KIF11: variants seen among roughly 807,000 people sequenced by gnomAD.
KIF11 encodes kinesin family member 11, also known as kinesin-like protein KIF11.
KIF11 carries 9 observed loss-of-function variants against 121.0 expected under a neutral mutation model. The observed-to-expected ratio is 0.07, with a 90% CI of 0.04 to 0.13. The LOEUF (loss-of-function observed/expected upper bound fraction) is 0.13. Ranked by LOEUF, KIF11 falls within the 10% of genes least tolerant of loss-of-function variation. KIF11 has a pLI of 1.00. For synonymous variants in KIF11, 408 were observed against 421.0 expected, an observed-to-expected ratio of 0.97 and a Z score of 0.38; for missense variants, 846 against 1,217.5, an observed-to-expected ratio of 0.69 and a Z score of 4.54.
intron 9 of KIF11, among the ~76,000 whole-genome samples, chr10:92,618,529 C>G (rs1844583759): frequency 6.6e-6 from 1 of 150,818 alleles, no homozygotes; most frequent in Non-Finnish European, 1.5e-5. Flanking sequence ...GCCTGTAATC[C>G]CAGTTACTCA....
At chr10:92,595,857 A>G (rs1229114691) in intron 1 of KIF11, among the ~76,000 whole-genome samples, 1 of 152,168 alleles carries the variant, frequency 6.6e-6, no homozygotes, top group Non-Finnish European at 1.5e-5. Flanking sequence ...CATTCCACTT[A>G]GGCATAATGT....
rs1174525263 is a variant in KIF11, at chr10:92,632,585, G to T, written c.1594G>T (p.Asp532Tyr). The change falls in exon 13 of 22, where the codon GAT becomes TAT. Residue 532 changes from aspartate to tyrosine, a missense_variant. Asp to Tyr is a radical substitution (Grantham distance 160, BLOSUM62 -3). This residue lies in a region of KIF11 where 492 missense variants were observed against 603.4 expected (regional missense o/e 0.82). Coordinates refer to ENST00000260731, the MANE Select transcript of KIF11 (RefSeq NM_004523.4). ...AVDQHNAEAQ[D>Y]IFGKNLNSLF... ...TGACCAACACAATGCAGAAGCTCAG[G>T]ATATTTTTGGCAAAAACCTGAATAG... is the stretch of plus-strand genomic sequence containing the variant. 2 of 1,613,466 alleles carry T rather than the reference G, an allele frequency of 1.2e-6. No individual in the cohort carries two copies. Among genetic ancestry groups the T allele is most frequent in the African/African-American group, 2.7e-5 (2 of 74,906 alleles).
intron 1 of KIF11, among the ~76,000 whole-genome samples, chr10:92,602,507 G>A (rs1358909860): frequency 6.6e-6 from 1 of 151,936 alleles, no homozygotes; most frequent in Non-Finnish European, 1.5e-5. Flanking sequence ...TGTGTTTCTA[G>A]GAATTTGTTC....
intron 21 of KIF11, among the ~76,000 whole-genome samples, chr10:92,651,518 T>A (rs1487676348): frequency 0.039 from 2,506 of 65,068 alleles, 179 homozygotes; most frequent in African/African-American, 0.08. Context: ...TTTTTTTTTT[T>A]TTTTTTTTTT....
In KIF11 at chr10:92,632,628, A is replaced by G. The variant is rs766266061; in HGVS notation, c.1637A>G (p.Glu546Gly). The change falls in exon 13 of 22, where the codon GAA (glutamate) becomes GGA (glycine). Residue 546 changes from glutamate to glycine, a missense_variant. Glu to Gly is a moderately conservative substitution (Grantham distance 98). This residue lies in a region of KIF11 where 492 missense variants were observed against 603.4 expected (regional missense o/e 0.82). Transcript: ENST00000260731. ...KNLNSLFNNM[E>G]ELIKDGSSKQ... ...CTGAATAGTCTGTTTAATAATATGG[A>G]AGAATTAATTAAGGATGGCAGCTCA... 2.5e-6 allele frequency: 4 copies of G among 1,613,328 alleles called. No homozygotes were observed. In the South Asian group the frequency reaches 4.4e-5, roughly 18 times the overall value.
At chr10:92,648,908 G>T (rs890645708) in intron 19 of KIF11, among the ~76,000 whole-genome samples, 7 of 152,134 alleles carry the variant, frequency 4.6e-5, no homozygotes, top group Non-Finnish European at 1.0e-4. Context: ...TCAACATTTT[G>T]AGAGATCACA....
chr10:92,652,655 C>T (rs1333083741), intron 21 of KIF11, among the ~76,000 whole-genome samples: 1 of 152,158 alleles, frequency 6.6e-6, no homozygotes, highest in Non-Finnish European at 1.5e-5. Flanking sequence ...TCATCCTTTT[C>T]TTCTATCTTA....
intron 10 of KIF11, 148 bp downstream of exon 10, chr10:92,621,621 A>G: frequency 2.0e-6 from 1 of 501,918 alleles, no homozygotes. Flanking sequence ...TTTTCTTTTG[A>G]GACAAGGTCT....
rs561035448 is a variant in KIF11, at chr10:92,604,456, G to A, written c.78-1809G>A. On this transcript the variant is annotated intron_variant, in intron 1 of 21. Coordinates refer to ENST00000260731, the MANE Select transcript of KIF11 (RefSeq NM_004523.4). ...CTCTTGGCCTACCTCAGTATAAGTT[G>A]GTTCTACCTTAGTTTTGTTGAAGTT... Among the ~76,000 whole-genome samples the A allele has an allele frequency of 3.3e-5, 5 of 152,226 alleles. No homozygotes were observed. In the South Asian group the frequency reaches 1.0e-3, roughly 32 times the overall value.
chr10:92,622,743 C>T (rs1361480045), intron 10 of KIF11, among the ~76,000 whole-genome samples: 3 of 152,036 alleles, frequency 2.0e-5, no homozygotes, highest in Non-Finnish European at 4.4e-5. Flanking sequence ...TAGAGAACCA[C>T]CTGAGACTGG....
intron 8 of KIF11, among the ~76,000 whole-genome samples, chr10:92,614,744 A>G (rs1157396583): frequency 6.6e-6 from 1 of 152,178 alleles, no homozygotes; most frequent in African/African-American, 2.4e-5. Context: ...CGCTTATTTT[A>G]TTGCTATCAT....
chr10:92,654,094 T>A lies in KIF11; in HGVS notation c.*298T>A. 4.4e-6 allele frequency: 1 copy of A among 225,752 alleles called. No individual in the cohort carries two copies. Among genetic ancestry groups the A allele is most frequent in the Non-Finnish European group, 8.9e-6 (1 of 111,768 alleles). The allele number at this position is 225,752 out of a possible 1,614,324, so 14.0% of individuals were successfully genotyped here. On this transcript the variant is annotated 3_prime_UTR_variant, in exon 22 of 22. Coordinates refer to ENST00000260731, the MANE Select transcript of KIF11 (RefSeq NM_004523.4). ...GGGAGGCTGAGGCACGAGAATCACTTGAACCCAGGAAGCGGGGTTGCAGTG... is the reference window on the plus strand; with the variant it reads ...GGGAGGCTGAGGCACGAGAATCACTAGAACCCAGGAAGCGGGGTTGCAGTG...
chr10:92,629,856 G>A (rs77659441), intron 11 of KIF11, among the ~76,000 whole-genome samples: 13,149 of 152,128 alleles, frequency 0.086, 651 homozygotes, highest in Middle Eastern at 0.11. Context: ...GGGCTCAAGT[G>A]ATCTCCTGCC....
rs201466133 is a variant in KIF11, at chr10:92,649,944, G to A, written c.2880G>A (p.Met960Ile). The A allele has an allele frequency of 6.2e-7, 1 of 1,613,148 alleles. No individual in the cohort carries two copies. Among genetic ancestry groups the A allele is most frequent in the South Asian group, 1.1e-5 (1 of 91,010 alleles). ...AAAGGAAACAGCCTGAGCTGTTAATGATGCTAAACTGTTCAGAAAACAACA... is the reference window on the plus strand; with the variant it reads ...AAAGGAAACAGCCTGAGCTGTTAATAATGCTAAACTGTTCAGAAAACAACA... ...QLKRKQPELLMMLNCSENNKE... is the reference protein window; with the variant it reads ...QLKRKQPELLIMLNCSENNKE... The change falls in exon 20 of 22, where the codon ATG becomes ATA. Residue 960 changes from methionine (M) to isoleucine (I), a missense_variant. Physicochemically the swap from Met to Ile is conservative, Grantham distance 10. Coordinates refer to ENST00000260731, the MANE Select transcript of KIF11 (RefSeq NM_004523.4).
chr10:92,615,175 G>A (rs1844540520), intron 8 of KIF11, among the ~76,000 whole-genome samples: 1 of 152,070 alleles, frequency 6.6e-6, no homozygotes, highest in Admixed American at 6.5e-5. Flanking sequence ...AGGCTGAGGT[G>A]AGTGGATCAT....
intron 18 of KIF11, among the ~76,000 whole-genome samples, chr10:92,646,290 CTAT>C (rs1415247276): frequency 6.6e-6 from 1 of 152,052 alleles, no homozygotes; most frequent in African/African-American, 2.4e-5. Context: ...ACATTCAAAC[CTAT>C]TATTATTTTA....
chr10:92,648,154 G>A, intron 18 of KIF11, 58 bp from the exon 19 acceptor site: 1 of 1,153,032 alleles, frequency 8.7e-7, no homozygotes, highest in Non-Finnish European at 1.2e-6. Context: ...ATATGATGTT[G>A]AATAAAACAC....
chr10:92,627,484 T>A (rs1430984783), intron 10 of KIF11, among the ~76,000 whole-genome samples: 3 of 152,224 alleles, frequency 2.0e-5, no homozygotes, highest in Non-Finnish European at 2.9e-5. Flanking sequence ...GCCATCCCTG[T>A]CTCTCCTTTT....
intron 16 of KIF11, among the ~76,000 whole-genome samples, chr10:92,638,213 G>C (rs1220190654): frequency 6.6e-6 from 1 of 152,116 alleles, no homozygotes; most frequent in Non-Finnish European, 1.5e-5. Context: ...TCTTATAATA[G>C]TTAACATTTA....
Sources: gnomAD v4.1 joint callset for allele counts (sites outside exome capture counted in the v4.1 genomes callset) on GRCh38, gnomAD v4.1.1 for gene constraint, gnomAD v4.1.1 regional missense constraint, MANE v1.5 for transcripts, NCBI Gene and HGNC (gene_info 2026-07-23, HGNC 2026-07-21) for gene names.